The following ATP12A variants were observed in gnomAD, a reference collection of about 807,000 sequenced individuals.
ATP12A encodes the protein potassium-transporting ATPase alpha chain 2.
In ATP12A, 81 loss-of-function variants were observed where a neutral mutation model predicts 111.2. The ratio of observed to expected loss-of-function variants is 0.73; its 90% CI spans 0.61 to 0.88. The LOEUF is 0.88. Among genes scored for constraint, ATP12A ranks in the 40% least tolerant of loss-of-function variants. The probability of loss-of-function intolerance (pLI) is 0.00; values close to 1 mark genes in which losing one functional copy is unlikely to be tolerated. For synonymous variants in ATP12A, 498 were observed against 499.8 expected (o/e 1.00, Z 0.05); for missense variants, 1,196 against 1,313.1 (o/e 0.91, Z 1.38).
intron 21 of ATP12A, 66 bp from the exon 22 acceptor site, chr13:24,711,252 C>T: frequency 7.1e-7 from 1 of 1,409,440 alleles, no homozygotes; most frequent in South Asian, 1.2e-5. Context: ...GCCCCATTCC[C>T]ATTGGGCAGG....
chr13:24,711,007 C>A, intron 21 of ATP12A, 114 bp downstream of exon 21: 1 of 956,192 alleles, frequency 1.0e-6, no homozygotes, highest in Non-Finnish European at 1.6e-6. Context: ...CAAAAGACGT[C>A]AAACTGATCC....
rs1416364790 is a variant in ATP12A, at chr13:24,692,962, T to C, written c.1377+66T>C. ...TTGTAGTCACTTGCTGAGGTCTGAT[T>C]GGGTGCTTGATTTCATCTCTCCAGT... is the stretch of plus-strand genomic sequence containing the variant. On this transcript the variant is annotated intron_variant, in intron 10 of 22. Coordinates refer to ENST00000381946, the MANE Select transcript of ATP12A (RefSeq NM_001676.7). The C allele has an allele frequency of 4.2e-6, 6 of 1,433,460 alleles. No individual in the cohort carries two copies. In the South Asian group the frequency reaches 7.1e-5, roughly 17 times the overall value. The allele number at this position is 1,433,460 out of a possible 1,614,324, so 88.8% of individuals were successfully genotyped here. A position where few individuals can be genotyped will look rare whatever the true frequency, so the allele number is the denominator to read the frequency against.
At position 24,689,106 on chromosome 13, in the gene ATP12A, A is replaced by G. The variant is rs777124826; in HGVS notation, c.433-156A>G. Among the ~76,000 whole-genome samples, 17 of 152,164 alleles carry G rather than the reference A, an allele frequency of 1.1e-4. 1 individual carries two copies. The highest frequency in any genetic ancestry group is 3.4e-3 in the Middle Eastern group (1 of 294). On this transcript the variant is annotated intron_variant, in intron 4 of 22. Coordinates refer to ENST00000381946, the MANE Select transcript of ATP12A (RefSeq NM_001676.7). ...TCTGTAAACTTAAAAAAAAAAATCA[A>G]TAAGTTGCGCACTTAACATGGGCGA...
intron 11 of ATP12A, among the ~76,000 whole-genome samples, chr13:24,695,539 A>G (rs1386104138): frequency 6.7e-6 from 1 of 148,492 alleles, no homozygotes; most frequent in African/African-American, 2.5e-5. Flanking sequence ...GTACGTGTGG[A>G]GATTTCTGGT....
rs1280545394 is a variant in ATP12A at position 24,696,732 on chromosome 13, A to G, written c.1513-1926A>G. 2.5e-4 allele frequency among the ~76,000 whole-genome samples: 14 copies of G among 56,064 alleles called. 3 individuals carry two copies. The East Asian group carries it at 6.8e-3, about 27-fold the overall frequency. The allele number at this position is 56,064 out of a possible 152,430, so 36.8% of individuals were successfully genotyped here. A position where few individuals can be genotyped will look rare whatever the true frequency, so the allele number is the denominator to read the frequency against. ...AGACTCCGTCTCAAAAAAAAAAAAA[A>G]AAAAAAAAAAAAAAGAAAGGGGAGA... On this transcript the variant is annotated intron_variant, in intron 11 of 22. Transcript: ENST00000381946.
chr13:24,689,325 G>C lies in ATP12A; in HGVS notation c.496G>C (p.Glu166Gln). 1.2e-6 allele frequency: 2 copies of C among 1,614,092 alleles called. No individual in the cohort carries two copies. Among genetic ancestry groups the C allele is most frequent in the Non-Finnish European group, 1.7e-6 (2 of 1,180,008 alleles). The change falls in exon 5 of 23, where the codon GAG (glutamate) becomes CAG (glutamine). Residue 166 changes from glutamate (E) to glutamine (Q), a missense_variant. Physicochemically the swap from Glu to Gln is conservative, Grantham distance 29. Transcript: ENST00000381946. ...ILTGIFAYYQ[E>Q]AKSTNIMSSF... ...AACGGGGATCTTTGCTTATTACCAA[G>C]AGGCAAAAAGCACCAACATCATGTC... is the stretch of plus-strand genomic sequence containing the variant.
Position 24,698,777 on chromosome 13 carries a change from A to C in ATP12A, c.1632A>C (p.Pro544=), listed in dbSNP as rs111939647. 6.2e-7 allele frequency: 1 copy of C among 1,614,088 alleles called. No individual in the cohort carries two copies. The highest frequency in any genetic ancestry group is 1.1e-5 in the South Asian group (1 of 91,072). ...TCATGATCAACGGCGAGGAGCACCC[A>C]CTGGACAAGAGCACTGCCAAGACCT... The part of the protein sequence containing the change: ...STIMINGEEH[P]LDKSTAKTFH... The change falls in exon 12 of 23, where the codon CCA becomes CCC. Residue 544 remains proline, a synonymous_variant. Coordinates refer to ENST00000381946, the MANE Select transcript of ATP12A (RefSeq NM_001676.7).
Position 24,691,139 on chromosome 13 carries a change from C to T in ATP12A, c.957C>T (p.Ile319=). ...CAGGAGTGGCTGTCTCCATCGGCAT[C>T]CTTTTCTTCATCATCGCTGTGTCCC... ...IVAGVAVSIG[I]LFFIIAVSLK... Residue 319 remains isoleucine, a synonymous_variant, in exon 8 of 23, where the codon ATC becomes ATT. Transcript: ENST00000381946. 6.2e-7 allele frequency: 1 copy of T among 1,614,200 alleles called. No individual in the cohort carries two copies.
intron 13 of ATP12A, 59 bp from the exon 14 acceptor site, chr13:24,701,876 C>T: frequency 6.2e-7 from 1 of 1,610,656 alleles, no homozygotes. Context: ...TGAACCATCC[C>T]CACTTTGGCC....
chr13:24,691,022 C>T lies in ATP12A; in HGVS notation c.840C>T (p.Thr280=), dbSNP rs776403418. 2 of 1,614,062 alleles carry T rather than the reference C, an allele frequency of 1.2e-6. No homozygotes were observed. The highest frequency in any genetic ancestry group is 1.7e-6 in the Non-Finnish European group (2 of 1,180,044). ...TGGTTATCAACACGGGTGACCGCACCATCATTGGCCATATTGCCTCATTGG... is the reference window on the plus strand; with the variant it reads ...TGGTTATCAACACGGGTGACCGCACTATCATTGGCCATATTGCCTCATTGG... ...TGMVINTGDR[T]IIGHIASLAS... Residue 280 remains threonine, a synonymous_variant, in exon 8 of 23, where the codon ACC becomes ACT. Transcript: ENST00000381946.
At chr13:24,706,550 G>A (rs769635787) in intron 15 of ATP12A, 87 bp downstream of exon 15, 88 of 1,513,706 alleles carry the variant, frequency 5.8e-5, no homozygotes, top group Middle Eastern at 1.8e-4. Context: ...ATCAGGCTGT[G>A]GTGCCTTTGA....
rs189229592 is a variant in ATP12A at position 24,693,262 on chromosome 13, G to A, written c.1377+366G>A. On this transcript the variant is annotated intron_variant, in intron 10 of 22. Transcript: ENST00000381946. ...ATTGAATAAAAATAAAAGGACTCCT[G>A]TTAACTAGAATATGGCTGCAGACAA... is the stretch of plus-strand genomic sequence containing the variant. Among the ~76,000 whole-genome samples the A allele has an allele frequency of 1.1e-3, 173 of 152,226 alleles. 4 individuals are homozygous for A. Among genetic ancestry groups the A allele is most frequent in the Admixed American group, 0.011 (170 of 15,280 alleles).
chr13:24,703,999 G>T (rs1487321852), intron 14 of ATP12A, among the ~76,000 whole-genome samples: 1 of 142,548 alleles, frequency 7.0e-6, no homozygotes, highest in Non-Finnish European at 1.5e-5. Context: ...AATTTTAGCA[G>T]ATTTTTTTTT....
intron 20 of ATP12A, 22 bp from the exon 21 acceptor site, chr13:24,710,770 T>C (rs768770489): frequency 1.2e-6 from 2 of 1,612,530 alleles, no homozygotes; most frequent in South Asian, 2.2e-5. Context: ...CCCAAGTCTG[T>C]CTGCTTTTGT....
chr13:24,697,741 G>T (rs1875227461), intron 11 of ATP12A, among the ~76,000 whole-genome samples: 1 of 150,272 alleles, frequency 6.7e-6, no homozygotes, highest in Admixed American at 6.6e-5. Flanking sequence ...GTTTGGTTTG[G>T]TTTTTGTTGG....
In ATP12A at chr13:24,706,410, G is replaced by A; in HGVS notation, c.2116G>A (p.Ala706Thr). Reference protein sequence around the residue: ...ILANYQEIVFARTSPQQKLII... With the variant: ...ILANYQEIVFTRTSPQQKLII... ...AGCCAACTACCAGGAGATTGTCTTTGCCCGGACATCCCCCCAGCAGAAGCT... is the reference window on the plus strand; with the variant it reads ...AGCCAACTACCAGGAGATTGTCTTTACCCGGACATCCCCCCAGCAGAAGCT... The change falls in exon 15 of 23, where the codon GCC (alanine) becomes ACC (threonine). Residue 706 changes from alanine to threonine, a missense_variant. Ala to Thr is a moderately conservative substitution (Grantham distance 58, BLOSUM62 0). Coordinates refer to ENST00000381946, the MANE Select transcript of ATP12A (RefSeq NM_001676.7). 6.2e-7 allele frequency: 1 copy of A among 1,614,234 alleles called. No homozygotes were observed. The highest frequency in any genetic ancestry group is 1.1e-5 in the South Asian group (1 of 91,086).
rs548847315 is a variant in ATP12A, at chr13:24,706,763, A to C, written c.2170-260A>C. Among the ~76,000 whole-genome samples the C allele has an allele frequency of 3.3e-5, 5 of 152,326 alleles. No homozygotes were observed. The East Asian group carries it at 9.7e-4, about 29-fold the overall frequency. On this transcript the variant is annotated intron_variant, in intron 15 of 22. Coordinates refer to ENST00000381946, the MANE Select transcript of ATP12A (RefSeq NM_001676.7). ...GTAAAGAGAGATTTAAAATGCAAAG[A>C]TTTAAAACAAAAAATGTGAAGACAT...
In ATP12A at chr13:24,707,281, C is replaced by T. The variant is rs992979300; in HGVS notation, c.2341C>T (p.Arg781Cys). 6.6e-5 allele frequency: 107 copies of T among 1,614,038 alleles called. No homozygotes were observed. The highest frequency in any genetic ancestry group is 8.6e-5 in the Non-Finnish European group (101 of 1,180,018). The part of the protein sequence containing the change: ...ASIVTGVEEG[R>C]LIFDNLKKTI... ...GAAGGAGAAACCTCTCTGCCTAGGT[C>T]GCCTGATCTTTGACAACCTCAAGAA... is the stretch of plus-strand genomic sequence containing the variant. Residue 781 changes from arginine (R) to cysteine (C), a missense_variant and splice_region_variant, in exon 17 of 23, where the codon CGC becomes TGC. This residue lies in a region of ATP12A where 1,126 missense variants were observed against 1,228.5 expected (regional missense o/e 0.92). Coordinates refer to ENST00000381946, the MANE Select transcript of ATP12A (RefSeq NM_001676.7).
At chr13:24,711,464 T>C in intron 22 of ATP12A, 30 bp from the exon 23 acceptor site, 1 of 1,614,134 alleles carries the variant, frequency 6.2e-7, no homozygotes, top group Non-Finnish European at 8.5e-7. Flanking sequence ...AGACTCTCCA[T>C]TTCTGATGTA....
Sources: gnomAD v4.1 joint callset for allele counts (sites outside exome capture counted in the v4.1 genomes callset) on GRCh38, gnomAD v4.1.1 for gene constraint, gnomAD v4.1.1 regional missense constraint, MANE v1.5 for transcripts, NCBI Gene and HGNC (gene_info 2026-07-23, HGNC 2026-07-21) for gene names.